UNKL: variants seen among roughly 807,000 people sequenced by gnomAD.
UNKL encodes unk like zinc finger.
A neutral mutation model predicts 78.0 loss-of-function variants in UNKL; 60 were observed. The ratio of observed to expected loss-of-function variants is 0.77; its 90% CI spans 0.63 to 0.95. The LOEUF is 0.95. UNKL is among the 40% of genes least tolerant of loss of function. The pLI, the probability that UNKL is intolerant of heterozygous loss-of-function variation, is 0.00. For missense variants in UNKL, 1,159 were observed against 1,045.7 expected, an observed-to-expected ratio of 1.11 and a Z score of -1.49; for synonymous variants, 608 against 474.8, an observed-to-expected ratio of 1.28 and a Z score of -3.65.
chr16:1,398,215 T>C (rs976782711), intron 5 of UNKL: 13 of 711,122 alleles, frequency 1.8e-5, no homozygotes, highest in Non-Finnish European at 2.3e-5. Flanking sequence ...ATGTTCCTAC[T>C]GCAGTGAGCT....
intron 10 of UNKL, among the ~76,000 whole-genome samples, chr16:1,383,301 A>G (rs2036679119): frequency 6.6e-6 from 1 of 151,642 alleles, no homozygotes; most frequent in Non-Finnish European, 1.5e-5. Context: ...AAATCAAAAC[A>G]AAACAAAACC....
In UNKL at chr16:1,370,204, G is replaced by A. The variant is rs2035687688; in HGVS notation, c.1511C>T (p.Pro504Leu). Reference sequence around the variant, plus strand: ...ACGCAGGGGTGGCGGCTGCTGGGGAGGCGTCATGGCTGAGGAGCCCACCGG... The same window carrying A: ...ACGCAGGGGTGGCGGCTGCTGGGGAAGCGTCATGGCTGAGGAGCCCACCGG... ...PGPVGSSAMT[P>L]PQQPPPLRSE... Residue 504 changes from proline (P) to leucine (L), a missense_variant, in exon 12 of 15, where the codon CCT (proline) becomes CTT (leucine). Pro to Leu is a moderately conservative substitution (Grantham distance 98). Transcript: ENST00000389221. 2.0e-6 allele frequency: 3 copies of A among 1,524,276 alleles called. No homozygotes were observed. The highest frequency in any genetic ancestry group is 1.2e-5 in the South Asian group (1 of 82,656). 94.4% of individuals were successfully genotyped at this position (1,524,276 alleles called of 1,614,324 possible).
chr16:1,371,701 C>A, intron 10 of UNKL, 90 bp from the exon 11 acceptor site: 1 of 1,362,612 alleles, frequency 7.3e-7, no homozygotes, highest in Non-Finnish European at 1.0e-6. Flanking sequence ...CCCACCTGGG[C>A]TTAGAGTGAG....
intron 10 of UNKL, among the ~76,000 whole-genome samples, chr16:1,377,939 AAG>A (rs2036353947): frequency 6.6e-6 from 1 of 152,246 alleles, no homozygotes; most frequent in South Asian, 2.1e-4. Flanking sequence ...CCTTCCTACC[AAG>A]AAAAGCCTCA....
intron 10 of UNKL, among the ~76,000 whole-genome samples, chr16:1,384,829 G>A (rs892116677): frequency 1.2e-4 from 18 of 152,124 alleles, no homozygotes; most frequent in Admixed American, 3.3e-4. Flanking sequence ...CAACTTCTGG[G>A]CTCAAGTGAT....
At chr16:1,398,830 G>A (rs1418678755) in intron 5 of UNKL, 4 of 1,560,054 alleles carry the variant, frequency 2.6e-6, no homozygotes, top group Non-Finnish European at 3.5e-6. Flanking sequence ...AGACCCAGGG[G>A]ACAGCTGGGG....
intron 10 of UNKL, among the ~76,000 whole-genome samples, chr16:1,384,886 T>C (rs1005582432): frequency 7.3e-5 from 11 of 151,072 alleles, no homozygotes; most frequent in African/African-American, 2.7e-4. Flanking sequence ...GGCGGCCAAC[T>C]CCCACAACTC....
rs143302705 is a variant in UNKL at position 1,396,915 on chromosome 16, T to C, written c.852+263A>G. 745 of 497,668 alleles carry C rather than the reference T, an allele frequency of 1.5e-3. 3 individuals carry two copies. Among genetic ancestry groups the C allele is most frequent in the African/African-American group, 0.013 (679 of 51,384 alleles). 30.8% of individuals were successfully genotyped at this position (497,668 alleles called of 1,614,324 possible). A position where few individuals can be genotyped will look rare whatever the true frequency, so the allele number is the denominator to read the frequency against. On this transcript the variant is annotated intron_variant, in intron 6 of 14. Coordinates refer to ENST00000389221, the MANE Select transcript of UNKL (RefSeq NM_001372107.1). Reference sequence around the variant, plus strand: ...ATGTATGTTTTTAATTGACATTTTCTCTCTGCTTTTTTCCCACATGACTCT... The same window carrying C: ...ATGTATGTTTTTAATTGACATTTTCCCTCTGCTTTTTTCCCACATGACTCT...
At chr16:1,413,573 A>C (rs116459389) in intron 2 of UNKL, among the ~76,000 whole-genome samples, 2 of 152,338 alleles carry the variant, frequency 1.3e-5, no homozygotes, top group South Asian at 4.1e-4. Flanking sequence ...CGTCTCAAAA[A>C]ACAAACAAAA....
At position 1,397,259 on chromosome 16, in the gene UNKL, C is replaced by A; in HGVS notation, c.771G>T (p.Glu257Asp). ...TPCPSVKHGDEWGEPSRCDGG... is the reference protein window; with the variant it reads ...TPCPSVKHGDDWGEPSRCDGG... ...CATCGCAGCGTGAGGGTTCCCCCCA[C>A]TCATCCCCGTGCTTCACACTGGGGC... Residue 257 changes from glutamate to aspartate, a missense_variant, in exon 6 of 15, where the codon GAG (glutamate) becomes GAT (aspartate). By Grantham distance (45) the Glu-to-Asp change is conservative. Coordinates refer to ENST00000389221, the MANE Select transcript of UNKL (RefSeq NM_001372107.1). 1.9e-6 allele frequency: 3 copies of A among 1,540,634 alleles called. No homozygotes were observed. Among genetic ancestry groups the A allele is most frequent in the Non-Finnish European group, 2.6e-6 (3 of 1,146,534 alleles).
At chr16:1,381,937 T>C (rs536202148) in intron 10 of UNKL, among the ~76,000 whole-genome samples, 1 of 152,260 alleles carries the variant, frequency 6.6e-6, no homozygotes, top group African/African-American at 2.4e-5. Flanking sequence ...GGCAAGACCC[T>C]GTCTTAAAAA....
rs771509230 is a variant in UNKL at position 1,403,185 on chromosome 16, C to T, written c.447G>A (p.Pro149=). The T allele has an allele frequency of 2.2e-5, 36 of 1,612,088 alleles. No individual in the cohort carries two copies. The highest frequency in any genetic ancestry group is 8.4e-5 in the Admixed American group (5 of 59,864). The change falls in exon 3 of 15, where the codon CCG becomes CCA. Residue 149 remains proline (P), a synonymous_variant. Transcript: ENST00000389221. The surrounding 1 kb of genome is among the most constrained non-coding windows in gnomAD (Gnocchi z 4.8). Reference sequence around the variant, plus strand: ...CCACTCACCTGACGTCACACACGGGCGGCCGCAGGTCCAGGGGGCCGTGCG... The same window carrying T: ...CCACTCACCTGACGTCACACACGGGTGGCCGCAGGTCCAGGGGGCCGTGCG... The part of the protein sequence containing the change: ...AFAHGPLDLR[P]PVCDVRELQA...
In UNKL at chr16:1,366,570, G is replaced by A. The variant is rs1046884818; in HGVS notation, c.2047-175C>T. The stretch of plus-strand genomic sequence containing the variant: ...GCCACCTCAGGGAGAAGGCAGCTGC[G>A]GGGTCAGGGGGTATGCTCTGTCTTA... On this transcript the variant is annotated intron_variant, in intron 14 of 14. Coordinates refer to ENST00000389221, the MANE Select transcript of UNKL (RefSeq NM_001372107.1). Among the ~76,000 whole-genome samples the A allele has an allele frequency of 1.4e-4, 22 of 152,110 alleles. No individual in the cohort carries two copies. The South Asian group carries it at 2.1e-3, about 14-fold the overall frequency.
intron 10 of UNKL, among the ~76,000 whole-genome samples, chr16:1,378,323 C>G (rs1030042675): frequency 6.6e-6 from 1 of 152,248 alleles, no homozygotes; most frequent in Non-Finnish European, 1.5e-5. Context: ...ATAGTCAGGT[C>G]AGCCAGGCTC....
intron 10 of UNKL, among the ~76,000 whole-genome samples, chr16:1,375,938 G>A (rs2036180923): frequency 6.6e-6 from 1 of 152,232 alleles, no homozygotes; most frequent in African/African-American, 2.4e-5. Flanking sequence ...AGACCTCAAA[G>A]CCTGACTGAA....
At chr16:1,381,840 G>A (rs1053754900) in intron 10 of UNKL, among the ~76,000 whole-genome samples, 1 of 152,210 alleles carries the variant, frequency 6.6e-6, no homozygotes, top group African/African-American at 2.4e-5. Context: ...CTCTACTTGA[G>A]AGGCTGATGC....
intron 10 of UNKL, 92 bp downstream of exon 10, chr16:1,385,116 A>C (rs2142090127): frequency 9.9e-7 from 1 of 1,007,060 alleles, no homozygotes; most frequent in Non-Finnish European, 1.3e-6. Flanking sequence ...ACGATTCTGT[A>C]ACATGTCCTG....
At chr16:1,385,134 A>C in intron 10 of UNKL, 74 bp downstream of exon 10, 1 of 1,102,344 alleles carries the variant, frequency 9.1e-7, no homozygotes, top group Non-Finnish European at 1.2e-6. Flanking sequence ...CTGAAATAGA[A>C]GCGCTGTCCC....
chr16:1,378,042 T>C (rs2036361023), intron 10 of UNKL, among the ~76,000 whole-genome samples: 1 of 152,108 alleles, frequency 6.6e-6, no homozygotes, highest in African/African-American at 2.4e-5. Context: ...TTTGCCGGGC[T>C]CCTAACCTGC....
Sources: gnomAD v4.1 joint callset for allele counts (sites outside exome capture counted in the v4.1 genomes callset) on GRCh38, gnomAD v4.1.1 for gene constraint, Gnocchi (gnomAD v3.1) non-coding constraint, MANE v1.5 for transcripts, NCBI Gene and HGNC (gene_info 2026-07-23, HGNC 2026-07-21) for gene names.